The following AIG1 variants were observed in gnomAD, a reference collection of about 807,000 sequenced individuals.
The protein encoded by AIG1 is androgen-induced gene 1 protein.
Under a neutral mutation model 31.4 loss-of-function variants are expected in AIG1, and 23 were observed. That is an observed-to-expected ratio of 0.73 (90% CI 0.53 to 1.04). The LOEUF (loss-of-function observed/expected upper bound fraction) is 1.04. Among genes scored for constraint, AIG1 ranks in the 50% least tolerant of loss-of-function variants. AIG1 has a pLI of 0.00. For synonymous variants in AIG1, 100 were observed against 110.5 expected (o/e 0.90, Z 0.60); for missense variants, 274 against 295.0 (o/e 0.93, Z 0.52).
At chr6:143,230,311 A>G (rs1402820287) in intron 3 of AIG1, among the ~76,000 whole-genome samples, 1 of 151,698 alleles carries the variant, frequency 6.6e-6, no homozygotes, top group Non-Finnish European at 1.5e-5. Context: ...ATTAAAGTAA[A>G]ACTATAACAT....
At chr6:143,167,731 T>A (rs1302330767) in intron 3 of AIG1, among the ~76,000 whole-genome samples, 1 of 152,192 alleles carries the variant, frequency 6.6e-6, no homozygotes, top group Non-Finnish European at 1.5e-5. Flanking sequence ...AGGAATTGAA[T>A]GACACAAATA....
chr6:143,271,945 AG>A (rs1796554852), intron 3 of AIG1, among the ~76,000 whole-genome samples: 1 of 152,304 alleles, frequency 6.6e-6, no homozygotes, highest in African/African-American at 2.4e-5. Flanking sequence ...GATTTGCTTA[AG>A]GGGAAGTCAT....
rs949998479 is a variant in AIG1, at chr6:143,326,343, T to C, written c.516-6939T>C. Reference sequence around the variant, plus strand: ...GGGAGCGTTCTCTTGTTCTCAGTTCTTTAGACATGCCTTTTTTTGGCTAGA... The same window carrying C: ...GGGAGCGTTCTCTTGTTCTCAGTTCCTTAGACATGCCTTTTTTTGGCTAGA... On this transcript the variant is annotated intron_variant, in intron 4 of 5. Coordinates refer to ENST00000357847, the MANE Select transcript of AIG1 (RefSeq NM_016108.4). This position sits in a 1 kb window ranked among gnomAD's most constrained non-coding sequence, Gnocchi z 4.5. Among the ~76,000 whole-genome samples the C allele has an allele frequency of 3.3e-5, 5 of 152,190 alleles. No individual in the cohort carries two copies. The highest frequency in any genetic ancestry group is 7.2e-5 in the African/African-American group (3 of 41,434).
intron 1 of AIG1, among the ~76,000 whole-genome samples, chr6:143,083,163 C>T (rs1168070830): frequency 6.6e-6 from 1 of 152,194 alleles, no homozygotes; most frequent in African/African-American, 2.4e-5. Flanking sequence ...CAGAGCTGAG[C>T]CTTTGGTTTG....
intron 3 of AIG1, among the ~76,000 whole-genome samples, chr6:143,181,708 G>A (rs554066451): frequency 1.2e-3 from 186 of 152,242 alleles, no homozygotes; most frequent in Non-Finnish European, 1.9e-3. Context: ...TACTTTGTGA[G>A]ATAGAAAGAC....
At chr6:143,103,727 T>C (rs1780544876) in intron 1 of AIG1, among the ~76,000 whole-genome samples, 1 of 151,984 alleles carries the variant, frequency 6.6e-6, no homozygotes, top group African/African-American at 2.4e-5. Flanking sequence ...CGGGATGGTC[T>C]CGATCTCCTG....
At chr6:143,208,419 A>G (rs1791297828) in intron 3 of AIG1, among the ~76,000 whole-genome samples, 1 of 152,202 alleles carries the variant, frequency 6.6e-6, no homozygotes. Context: ...TGAATTCAGA[A>G]TAAAATAAAT....
chr6:143,343,531 G>A (rs554410600), downstream of AIG1: 123 of 208,572 alleles, frequency 5.9e-4, no homozygotes, highest in African/African-American at 2.7e-3. Flanking sequence ...CCCCGGGTCC[G>A]TGTCTTTTCA....
chr6:143,132,268 C>T (rs1419869097), intron 1 of AIG1, among the ~76,000 whole-genome samples: 1 of 152,038 alleles, frequency 6.6e-6, no homozygotes. Context: ...TATGTGATAT[C>T]ATTTCTTCAT....
chr6:143,110,536 C>T (rs1220503154), intron 1 of AIG1, among the ~76,000 whole-genome samples: 1 of 152,106 alleles, frequency 6.6e-6, no homozygotes, highest in Non-Finnish European at 1.5e-5. Flanking sequence ...GGCTTTATTC[C>T]TAGTTATGTG....
In AIG1 at chr6:143,136,874, G is replaced by T; in HGVS notation, c.181G>T (p.Asp61Tyr). The change falls in exon 2 of 6, where the codon GAT becomes TAT. Residue 61 changes from aspartate to tyrosine, a missense_variant. Around this residue, in one of 2 missense-constraint regions of AIG1, gnomAD observed 243 missense variants for 238.5 expected, o/e 1.02. Coordinates refer to ENST00000357847, the MANE Select transcript of AIG1 (RefSeq NM_016108.4). ...AVFFGICVLTDLSSLLTRGSG... is the reference protein window; with the variant it reads ...AVFFGICVLTYLSSLLTRGSG... Reference sequence around the variant, plus strand: ...CTTTTTTGGCATCTGTGTGCTGACTGATCTTTCCAGTCTTCTGACTCGAGG... The same window carrying T: ...CTTTTTTGGCATCTGTGTGCTGACTTATCTTTCCAGTCTTCTGACTCGAGG... The T allele has an allele frequency of 6.6e-7, 1 of 1,516,514 alleles. No homozygotes were observed. Among genetic ancestry groups the T allele is most frequent in the Non-Finnish European group, 8.9e-7 (1 of 1,119,500 alleles). The allele number at this position is 1,516,514 out of a possible 1,614,324, so 93.9% of individuals were successfully genotyped here.
At position 143,267,662 on chromosome 6, in the gene AIG1, A is replaced by T. The variant is rs376071182; in HGVS notation, c.400-16448A>T. Among the ~76,000 whole-genome samples the T allele has an allele frequency of 6.6e-5, 10 of 152,300 alleles. No individual in the cohort carries two copies. In the East Asian group the frequency reaches 1.9e-3, roughly 29 times the overall value. ...TGGTTCCTTCTTCAGTGGCTACCAG[A>T]TATCATAGACTTATGACTATCAAAG... On this transcript the variant is annotated intron_variant, in intron 3 of 5. Transcript: ENST00000357847.
chr6:143,067,680 T>A (rs1050000048), intron 1 of AIG1, among the ~76,000 whole-genome samples: 6 of 152,220 alleles, frequency 3.9e-5, no homozygotes, highest in African/African-American at 1.4e-4. Context: ...ATAAAATACC[T>A]TGAGAAGAGA....
intron 1 of AIG1, among the ~76,000 whole-genome samples, chr6:143,074,179 A>G (rs1392187986): frequency 6.6e-6 from 1 of 152,198 alleles, no homozygotes; most frequent in African/African-American, 2.4e-5. Context: ...TATTTTTCCC[A>G]ATTTGTAAGT....
rs551210138 is a variant in AIG1 at position 143,146,818 on chromosome 6, A to T, written c.297+9828A>T. Reference sequence around the variant, plus strand: ...CTAACTTAATCGTGCCCATGTGATTACCATTCCAATGATTTGCTTATTTTA... The same window carrying T: ...CTAACTTAATCGTGCCCATGTGATTTCCATTCCAATGATTTGCTTATTTTA... On this transcript the variant is annotated intron_variant, in intron 2 of 5. Coordinates refer to ENST00000357847, the MANE Select transcript of AIG1 (RefSeq NM_016108.4). 6.7e-4 allele frequency among the ~76,000 whole-genome samples: 102 copies of T among 152,348 alleles called. 1 individual carries two copies. In the Middle Eastern group the frequency reaches 0.01, roughly 15 times the overall value.
intron 3 of AIG1, among the ~76,000 whole-genome samples, chr6:143,201,844 C>T (rs1452671089): frequency 2.0e-5 from 3 of 152,186 alleles, no homozygotes; most frequent in Non-Finnish European, 2.9e-5. Flanking sequence ...TAGCCTGCTT[C>T]TAGTTCCACC....
chr6:143,339,027 C>T (rs767918162), intron 5 of AIG1: 5 of 152,148 alleles, frequency 3.3e-5, no homozygotes, highest in African/African-American at 1.2e-4. Context: ...TGGTCCAGTA[C>T]ATACAAGTCC....
At position 143,224,306 on chromosome 6, in the gene AIG1, G is replaced by C. The variant is rs116775510; in HGVS notation, c.399+59123G>C. On this transcript the variant is annotated intron_variant, in intron 3 of 5. Transcript: ENST00000357847. ...TCCCAACATCCCTATTTCCTTTAAT[G>C]GGCATTTCCCACCCATGACCTGCCA... is the stretch of plus-strand genomic sequence containing the variant. Among the ~76,000 whole-genome samples, 354 of 152,080 alleles carry C rather than the reference G, an allele frequency of 2.3e-3. 1 individual carries two copies. The highest frequency in any genetic ancestry group is 8.2e-3 in the African/African-American group (342 of 41,478).
chr6:143,186,090 C>G (rs1408441606), intron 3 of AIG1, among the ~76,000 whole-genome samples: 1 of 152,182 alleles, frequency 6.6e-6, no homozygotes, highest in East Asian at 1.9e-4. Flanking sequence ...CGCTCACAGC[C>G]CATGAGAGCC....
Sources: allele counts gnomAD v4.1 joint callset (sites outside exome capture counted in the v4.1 genomes callset), GRCh38; gene constraint gnomAD v4.1.1; regional missense constraint gnomAD v4.1.1; non-coding constraint Gnocchi (gnomAD v3.1); transcripts MANE v1.5; gene names NCBI Gene and HGNC (gene_info 2026-07-23, HGNC 2026-07-21).